SNX8: variants seen among roughly 807,000 people sequenced by gnomAD.
SNX8 encodes sorting nexin-8.
Under a neutral mutation model 51.6 loss-of-function variants are expected in SNX8, and 25 were observed. The observed-to-expected ratio is 0.48, with a 90% CI of 0.35 to 0.68. The LOEUF (loss-of-function observed/expected upper bound fraction) is 0.68, where lower values mean the gene tolerates loss of function less well. SNX8 is among the 30% of genes least tolerant of loss of function. SNX8 has a pLI of 0.00. For missense variants in SNX8, 695 were observed against 624.0 expected, an observed-to-expected ratio of 1.11 and a Z score of -1.21; for synonymous variants, 324 against 277.0, an observed-to-expected ratio of 1.17 and a Z score of -1.68.
chr7:2,278,309 C>T lies in SNX8; in HGVS notation c.95-4G>A, dbSNP rs1282894876. The T allele has an allele frequency of 6.6e-7, 1 of 1,522,704 alleles. No individual in the cohort carries two copies. Among genetic ancestry groups the T allele is most frequent in the Non-Finnish European group, 9.0e-7 (1 of 1,111,296 alleles). The allele number at this position is 1,522,704 out of a possible 1,614,324, so 94.3% of individuals were successfully genotyped here. The stretch of plus-strand genomic sequence containing the variant: ...ATGGCCTGGGGTGTCGGCAGATCTG[C>T]AGGGGAGATGGTGAATGACCAGTGA... On this transcript the variant is annotated splice_region_variant and splice_polypyrimidine_tract_variant and intron_variant, in intron 1 of 10. Transcript: ENST00000222990.
At chr7:2,260,944 G>GA (rs1795320449) in intron 7 of SNX8, among the ~76,000 whole-genome samples, 1 of 152,306 alleles carries the variant, frequency 6.6e-6, no homozygotes, top group African/African-American at 2.4e-5. Context: ...GGCTGAATCA[G>GA]AAAAAACCTT....
rs956002836 is a variant in SNX8, at chr7:2,325,739, T to C, written c.-66+28483A>G. 2.0e-5 allele frequency among the ~76,000 whole-genome samples: 3 copies of C among 152,190 alleles called. No individual in the cohort carries two copies. The South Asian group carries it at 6.2e-4, about 32-fold the overall frequency. The stretch of plus-strand genomic sequence containing the variant: ...TCCCAGCTACTCAGGAGCTGAGGCA[T>C]GAGAATTGCTTGAACTTGGGAGGCG... On this transcript the variant is annotated intron_variant, in intron 1 of 5. Coordinates refer to the SNX8 transcript ENST00000435336.
chr7:2,275,312 C>T (rs959803801), intron 2 of SNX8, 83 bp from the exon 3 acceptor site: 17 of 898,936 alleles, frequency 1.9e-5, no homozygotes, highest in Middle Eastern at 2.1e-4. Context: ...CCCGGGAAAA[C>T]GACAGCACCA....
chr7:2,307,064 A>AC (rs1274733655), intron 1 of SNX8, among the ~76,000 whole-genome samples: 1 of 151,904 alleles, frequency 6.6e-6, no homozygotes, highest in African/African-American at 2.4e-5. Flanking sequence ...CCCCCATTAA[A>AC]CCCCTGCTAC....
At chr7:2,300,593 T>C (rs1796368611) in intron 1 of SNX8, among the ~76,000 whole-genome samples, 1 of 151,982 alleles carries the variant, frequency 6.6e-6, no homozygotes, top group African/African-American at 2.4e-5. Flanking sequence ...TTTCATTTTT[T>C]TGTAGAGAAA....
At chr7:2,323,801 T>C (rs1778580247) in intron 1 of SNX8, among the ~76,000 whole-genome samples, 1 of 152,106 alleles carries the variant, frequency 6.6e-6, no homozygotes, top group African/African-American at 2.4e-5. Flanking sequence ...AACTGAGTCT[T>C]CTTGGTTTTT....
At chr7:2,270,747 C>T (rs764538524) in intron 4 of SNX8, among the ~76,000 whole-genome samples, 3 of 152,188 alleles carry the variant, frequency 2.0e-5, no homozygotes, top group Non-Finnish European at 4.4e-5. Flanking sequence ...GGGAAGGCCC[C>T]TCTGCCTCCG....
intron 1 of SNX8, among the ~76,000 whole-genome samples, chr7:2,290,675 A>G (rs1796130667): frequency 6.6e-6 from 1 of 152,216 alleles, no homozygotes; most frequent in Non-Finnish European, 1.5e-5. Flanking sequence ...ATGCCCTCCC[A>G]GCACCTGTGA....
chr7:2,266,075 C>A (rs922263639), intron 5 of SNX8, among the ~76,000 whole-genome samples: 2 of 152,152 alleles, frequency 1.3e-5, no homozygotes, highest in African/African-American at 2.4e-5. Flanking sequence ...TACGATTGCA[C>A]CACTGCACTA....
At chr7:2,331,168 G>A (rs1197299611) in intron 1 of SNX8, among the ~76,000 whole-genome samples, 1 of 119,340 alleles carries the variant, frequency 8.4e-6, no homozygotes, top group African/African-American at 3.1e-5. Flanking sequence ...CCTGGCGACA[G>A]AGCGAGACTC....
intron 1 of SNX8, among the ~76,000 whole-genome samples, chr7:2,347,970 C>T (rs570296212): frequency 1.3e-5 from 2 of 152,168 alleles, no homozygotes; most frequent in South Asian, 2.1e-4. Context: ...TCCATGGATG[C>T]CTCTTTGCGT....
intron 4 of SNX8, 31 bp from the exon 5 acceptor site, chr7:2,269,670 C>T: frequency 6.7e-7 from 1 of 1,489,660 alleles, no homozygotes; most frequent in Non-Finnish European, 9.1e-7. Context: ...GCTTCACCCT[C>T]TTCTACTAGC....
chr7:2,346,447 G>GA (rs1031979679), intron 1 of SNX8, among the ~76,000 whole-genome samples: 255 of 139,384 alleles, frequency 1.8e-3, no homozygotes, highest in South Asian at 4.9e-3. Context: ...CTCTCAAAAC[G>GA]AAAAAAAAAA....
chr7:2,296,118 G>A (rs976807041), intron 1 of SNX8, among the ~76,000 whole-genome samples: 3 of 152,102 alleles, frequency 2.0e-5, no homozygotes, highest in African/African-American at 7.2e-5. Context: ...GAAAAATGAC[G>A]TTGGTATCTT....
At chr7:2,265,469 C>T (rs1454724561) in intron 5 of SNX8, among the ~76,000 whole-genome samples, 1 of 152,028 alleles carries the variant, frequency 6.6e-6, no homozygotes, top group Non-Finnish European at 1.5e-5. Context: ...CATAGTGAAA[C>T]CCCATCTCTC....
intron 1 of SNX8, among the ~76,000 whole-genome samples, chr7:2,331,200 A>AAG (rs1778728356): frequency 6.7e-6 from 1 of 149,088 alleles, no homozygotes; most frequent in African/African-American, 2.5e-5. Context: ...AAAAAAAAAA[A>AAG]AAAGAAAGAA....
chr7:2,349,421 C>T (rs758375757), intron 1 of SNX8, among the ~76,000 whole-genome samples: 2 of 150,664 alleles, frequency 1.3e-5, no homozygotes, highest in Non-Finnish European at 3.0e-5. Context: ...TTTTTTTCAC[C>T]CTACCCCCTA....
chr7:2,270,132 G>A (rs1437191101), intron 4 of SNX8, among the ~76,000 whole-genome samples: 1 of 151,902 alleles, frequency 6.6e-6, no homozygotes, highest in African/African-American at 2.4e-5. Flanking sequence ...AGAGGGACAG[G>A]CCCAGCCCCT....
intron 1 of SNX8, among the ~76,000 whole-genome samples, chr7:2,343,943 G>A (rs1228617388): frequency 6.7e-6 from 1 of 150,266 alleles, no homozygotes; most frequent in Non-Finnish European, 1.5e-5. Context: ...TGAGGGAGGA[G>A]AATCGCTTGA....
Sources: allele counts gnomAD v4.1 joint callset (sites outside exome capture counted in the v4.1 genomes callset), GRCh38; gene constraint gnomAD v4.1.1; transcripts MANE v1.5; gene names NCBI Gene and HGNC (gene_info 2026-07-23, HGNC 2026-07-21).